Variants in PPP6R2 observed in about 807,000 individuals in gnomAD.
PPP6R2 encodes the protein serine/threonine-protein phosphatase 6 regulatory subunit 2.
A neutral mutation model predicts 100.2 loss-of-function variants in PPP6R2; 62 were observed. That is an observed-to-expected ratio of 0.62 (90% confidence interval 0.50 to 0.76). The LOEUF is 0.76. Among genes scored for constraint, PPP6R2 ranks in the 30% least tolerant of loss-of-function variants. The pLI, the probability that PPP6R2 is intolerant of heterozygous loss-of-function variation, is 0.00. For synonymous variants in PPP6R2, 525 were observed against 514.7 expected (o/e 1.02, Z -0.27); for missense variants, 1,142 against 1,276.3 (o/e 0.89, Z 1.60).
intron 4 of PPP6R2, among the ~76,000 whole-genome samples, chr22:50,412,069 C>T (rs1472366855): frequency 1.3e-5 from 2 of 152,034 alleles, no homozygotes; most frequent in African/African-American, 4.8e-5. Flanking sequence ...TCCTTGTATG[C>T]TTTGACATGT....
upstream of PPP6R2, among the ~76,000 whole-genome samples, chr22:50,342,043 G>C (rs1293002710): frequency 2.6e-5 from 4 of 151,786 alleles, no homozygotes; most frequent in Non-Finnish European, 5.9e-5. Flanking sequence ...AGTTGCACTG[G>C]CTGAGCACAG....
chr22:50,371,652 T>C (rs1225515061), intron 1 of PPP6R2, among the ~76,000 whole-genome samples: 2 of 151,878 alleles, frequency 1.3e-5, no homozygotes, highest in Non-Finnish European at 2.9e-5. Flanking sequence ...TAATTGCTTT[T>C]TTTTGAGATG....
intron 1 of PPP6R2, among the ~76,000 whole-genome samples, chr22:50,356,550 T>A (rs961937312): frequency 6.6e-6 from 1 of 152,134 alleles, no homozygotes; most frequent in Non-Finnish European, 1.5e-5. Context: ...ATACAAGTCT[T>A]TTCTGTGGAC....
rs146946460 is a variant in PPP6R2, at chr22:50,435,932, A to G, written c.1517-435A>G. 9.2e-5 allele frequency among the ~76,000 whole-genome samples: 14 copies of G among 152,280 alleles called. No individual in the cohort carries two copies. In the East Asian group the frequency reaches 2.5e-3, roughly 27 times the overall value. On this transcript the variant is annotated intron_variant, in intron 13 of 23. Transcript: ENST00000612753. ...CCAGGACTCTGACCTCCCCGGAAAA[A>G]CAGGCAGGACACGCGCCCAGGCCTG...
At chr22:50,365,810 A>G (rs190103461) in intron 1 of PPP6R2, among the ~76,000 whole-genome samples, 2 of 151,278 alleles carry the variant, frequency 1.3e-5, no homozygotes, top group East Asian at 2.0e-4. Context: ...GCTCACTGCA[A>G]CCTCAAACTC....
At chr22:50,413,839 G>A (rs916200479) in intron 4 of PPP6R2, among the ~76,000 whole-genome samples, 3 of 152,134 alleles carry the variant, frequency 2.0e-5, no homozygotes, top group African/African-American at 4.8e-5. Flanking sequence ...CCCCAGCCCA[G>A]TAGCCTGGAC....
intron 3 of PPP6R2, among the ~76,000 whole-genome samples, chr22:50,401,502 G>C (rs574159759): frequency 3.4e-4 from 49 of 142,842 alleles, no homozygotes; most frequent in African/African-American, 1.2e-3. Flanking sequence ...CACCGCGCCA[G>C]GCCAATTTTT....
chr22:50,388,137 A>G (rs2054625085), intron 2 of PPP6R2, among the ~76,000 whole-genome samples: 1 of 152,026 alleles, frequency 6.6e-6, no homozygotes, highest in Admixed American at 6.6e-5. Context: ...AGCCTGGGCA[A>G]CATGGCAAGA....
chr22:50,385,224 C>T (rs1366391161), intron 2 of PPP6R2, among the ~76,000 whole-genome samples: 1 of 152,150 alleles, frequency 6.6e-6, no homozygotes, highest in Admixed American at 6.6e-5. Flanking sequence ...GAGACAGAAT[C>T]TCACGCCGTC....
intron 2 of PPP6R2, among the ~76,000 whole-genome samples, chr22:50,391,012 A>AG (rs1056191729): frequency 2.0e-5 from 3 of 150,940 alleles, no homozygotes; most frequent in African/African-American, 7.3e-5. Flanking sequence ...AAAAAAAAAA[A>AG]GAAAAGAAAT....
chr22:50,348,068 A>G (rs932197066), intron 1 of PPP6R2, among the ~76,000 whole-genome samples: 6 of 152,166 alleles, frequency 3.9e-5, no homozygotes, highest in Admixed American at 3.3e-4. Context: ...AAGGCCCTGA[A>G]GTGGGAAATT....
Position 50,431,747 on chromosome 22 carries a change from A to G in PPP6R2, c.1335+365A>G, listed in dbSNP as rs970647592. Among the ~76,000 whole-genome samples, 4 of 152,152 alleles carry G rather than the reference A, an allele frequency of 2.6e-5. No individual in the cohort carries two copies. Among genetic ancestry groups the G allele is most frequent in the Non-Finnish European group, 5.9e-5 (4 of 68,030 alleles). The stretch of plus-strand genomic sequence containing the variant: ...CGGTGGGGAGGGGATGCTGAGGGAC[A>G]TGCAGGCCAACCAGGGACTGTCACC... On this transcript the variant is annotated intron_variant, in intron 11 of 23. Transcript: ENST00000612753. The surrounding 1 kb of genome is among the most constrained non-coding windows in gnomAD (Gnocchi z 4.8).
chr22:50,443,750 C>T (rs1352519578), intron 22 of PPP6R2, 116 bp from the exon 23 acceptor site: 2 of 1,406,108 alleles, frequency 1.4e-6, no homozygotes, highest in African/African-American at 2.9e-5. Flanking sequence ...TGAGAGGGGC[C>T]AAAGATGGTG....
Position 50,360,692 on chromosome 22 carries a change from A to G in PPP6R2, c.-147-11328A>G, listed in dbSNP as rs112055666. On this transcript the variant is annotated intron_variant, in intron 1 of 23. Coordinates refer to ENST00000612753, the MANE Select transcript of PPP6R2 (RefSeq NM_001242898.2). ...GAGATCTGTATTTTTATCCCTGTTT[A>G]CCGAGGAGCCACAGAGAAGCTGGCA... Among the ~76,000 whole-genome samples the G allele has an allele frequency of 3.8e-3, 585 of 152,158 alleles. 7 individuals carry two copies. Among genetic ancestry groups the G allele is most frequent in the African/African-American group, 0.013 (550 of 41,524 alleles).
At position 50,444,126 on chromosome 22, in the gene PPP6R2, G is replaced by C; in HGVS notation, c.2831+9G>C. On this transcript the variant is annotated intron_variant, in intron 23 of 23. Coordinates refer to ENST00000612753, the MANE Select transcript of PPP6R2 (RefSeq NM_001242898.2). ...ACAGTGACAAAGGACGGGTGAGCAGGTTGAGTGTGGGGGTAGGGGGTGTGG... is the reference window on the plus strand; with the variant it reads ...ACAGTGACAAAGGACGGGTGAGCAGCTTGAGTGTGGGGGTAGGGGGTGTGG... The C allele has an allele frequency of 1.2e-6, 2 of 1,611,850 alleles. No individual in the cohort carries two copies. The highest frequency in any genetic ancestry group is 1.7e-6 in the Non-Finnish European group (2 of 1,178,472).
chr22:50,353,065 A>C (rs1453225195), intron 1 of PPP6R2, among the ~76,000 whole-genome samples: 1 of 152,168 alleles, frequency 6.6e-6, no homozygotes, highest in African/African-American at 2.4e-5. Flanking sequence ...CCTGCCTCCA[A>C]ACAGAAAGCA....
chr22:50,360,740 A>G (rs80342148), intron 1 of PPP6R2, among the ~76,000 whole-genome samples: 3,380 of 152,190 alleles, frequency 0.022, 43 homozygotes, highest in African/African-American at 0.04. Flanking sequence ...GTCAGAGCTC[A>G]CAGATAGGAC....
At chr22:50,437,480 T>TGCCAAC in intron 15 of PPP6R2, 26 bp from the exon 16 acceptor site, 4 of 728,382 alleles carry the variant, frequency 5.5e-6, no homozygotes, top group Non-Finnish European at 1.0e-5. Flanking sequence ...TGTCTGTCCG[T>TGCCAAC]CCCTCCCTCC....
Position 50,414,559 on chromosome 22 carries a change from C to G in PPP6R2, c.422C>G (p.Thr141Arg), listed in dbSNP as rs146030969. Residue 141 changes from threonine to arginine, a missense_variant, in exon 5 of 24, where the codon ACG becomes AGG. Around this residue, in one of 2 missense-constraint regions of PPP6R2, gnomAD observed 592 missense variants for 758.9 expected, o/e 0.78. Coordinates refer to ENST00000612753, the MANE Select transcript of PPP6R2 (RefSeq NM_001242898.2). ...LIARKTEQVITFLKKKDKFIS... is the reference protein window; with the variant it reads ...LIARKTEQVIRFLKKKDKFIS... ...AGGTGTGTGTGATTTCAGGTGATTA[C>G]GTTTTTGAAGAAGAAGGACAAGTTC... is the stretch of plus-strand genomic sequence containing the variant. 1 of 1,613,820 alleles carries G rather than the reference C, an allele frequency of 6.2e-7. No homozygotes were observed. The highest frequency in any genetic ancestry group is 8.5e-7 in the Non-Finnish European group (1 of 1,179,918).
Sources: gnomAD v4.1 joint callset for allele counts (sites outside exome capture counted in the v4.1 genomes callset) on GRCh38, gnomAD v4.1.1 for gene constraint, gnomAD v4.1.1 regional missense constraint, Gnocchi (gnomAD v3.1) non-coding constraint, MANE v1.5 for transcripts, NCBI Gene and HGNC (gene_info 2026-07-23, HGNC 2026-07-21) for gene names.